Variants in MPHOSPH9 observed in about 807,000 individuals in gnomAD.
MPHOSPH9 encodes the protein M-phase phosphoprotein 9.
MPHOSPH9 carries 88 observed loss-of-function variants against 145.5 expected under a neutral mutation model. The ratio of observed to expected loss-of-function variants is 0.60; its 90% CI spans 0.51 to 0.72. The LOEUF is 0.72. Ranked by LOEUF, MPHOSPH9 falls within the 30% of genes least tolerant of loss-of-function variation. The pLI is 0.00. For missense variants in MPHOSPH9, 1,238 were observed against 1,386.6 expected (o/e 0.89, Z 1.70); for synonymous variants, 435 against 486.2 (o/e 0.89, Z 1.39).
intron 13 of MPHOSPH9, among the ~76,000 whole-genome samples, chr12:123,189,532 A>G (rs1168686535): frequency 6.6e-6 from 1 of 152,196 alleles, no homozygotes; most frequent in Non-Finnish European, 1.5e-5. Flanking sequence ...TATACTATGG[A>G]AGAGCCACAT....
intron 9 of MPHOSPH9, 21 bp from the exon 10 acceptor site, chr12:123,203,105 A>T: frequency 1.9e-6 from 3 of 1,604,102 alleles, no homozygotes; most frequent in Non-Finnish European, 2.6e-6. Context: ...GACAACAACG[A>T]AGTCTTACCC....
chr12:123,171,543 G>C (rs2044581547), intron 16 of MPHOSPH9, among the ~76,000 whole-genome samples: 1 of 152,104 alleles, frequency 6.6e-6, no homozygotes, highest in East Asian at 1.9e-4. Context: ...GAGGTCAGGA[G>C]TTTGAGACCA....
At chr12:123,225,368 C>A (rs1372953169) in intron 3 of MPHOSPH9, among the ~76,000 whole-genome samples, 2 of 147,224 alleles carry the variant, frequency 1.4e-5, no homozygotes, top group Non-Finnish European at 3.0e-5. Flanking sequence ...GGCTTGAGCC[C>A]AAGAGGTTGA....
intron 16 of MPHOSPH9, among the ~76,000 whole-genome samples, chr12:123,174,458 C>T (rs1017612558): frequency 6.6e-6 from 1 of 151,336 alleles, no homozygotes; most frequent in Non-Finnish European, 1.5e-5. Context: ...CTGCAAGCTC[C>T]GCCTCCCGGG....
rs142397346 is a variant in MPHOSPH9 at position 123,232,678 on chromosome 12, T to A, written c.-159+397A>T. Among the ~76,000 whole-genome samples, 920 of 151,426 alleles carry A rather than the reference T, an allele frequency of 6.1e-3. 33 individuals are homozygous for A. The highest frequency in any genetic ancestry group is 0.053 in the Admixed American group (812 of 15,236). ...GTCAAAGTGGGAAGGAGAGGGAGAA[T>A]CTATGCAGTCGCCTAAGCTACGGAA... On this transcript the variant is annotated intron_variant, in intron 1 of 23. Coordinates refer to ENST00000606320, the MANE Select transcript of MPHOSPH9 (RefSeq NM_022782.4).
chr12:123,160,273 C>A (rs1352548787), intron 23 of MPHOSPH9: 1 of 152,986 alleles, frequency 6.5e-6, no homozygotes, highest in African/African-American at 2.4e-5. Flanking sequence ...TCAGGTGATA[C>A]ACCAGCCTCA....
intron 7 of MPHOSPH9, among the ~76,000 whole-genome samples, chr12:123,211,098 C>A (rs534293376): frequency 5.3e-5 from 8 of 151,248 alleles, no homozygotes; most frequent in African/African-American, 1.9e-4. Context: ...GATTCTCCTG[C>A]CTCAGCCTCC....
At chr12:123,241,148 T>TGG (rs575565493) in intron 1 of MPHOSPH9, among the ~76,000 whole-genome samples, 2 of 43,276 alleles carry the variant, frequency 4.6e-5, no homozygotes, top group Admixed American at 3.4e-4. Context: ...GTTGTTTTTT[T>TGG]TTTGTTTTTG....
Position 123,221,436 on chromosome 12 carries a change from CA to C in MPHOSPH9, c.807del (p.Glu270AsnfsTer25). The C allele has an allele frequency of 3.1e-6, 5 of 1,612,144 alleles. No individual in the cohort carries two copies. The highest frequency in any genetic ancestry group is 4.2e-6 in the Non-Finnish European group (5 of 1,179,358). ...TCACCAAGAAAATTATGTTCAAATT[CA>C]CCAGGAGAAATGGATACATCTTCCT... ...SLKEDVSISP[G>X]EFEHNFLGEN... On this transcript the variant is annotated frameshift_variant, in exon 5 of 24. Transcript: ENST00000606320. LOFTEE classifies it high-confidence loss of function.
At chr12:123,207,146 TA>T (rs35392378) in intron 8 of MPHOSPH9, among the ~76,000 whole-genome samples, 4,871 of 114,544 alleles carry the variant, frequency 0.043, 259 homozygotes, top group African/African-American at 0.15. Context: ...CTAAAGTGGT[TA>T]AAAAAAAAAA....
intron 16 of MPHOSPH9, among the ~76,000 whole-genome samples, chr12:123,175,404 C>G (rs529669210): frequency 1.3e-5 from 2 of 152,118 alleles, no homozygotes; most frequent in Non-Finnish European, 2.9e-5. Flanking sequence ...CCGCCCGCCT[C>G]GGCCTCCCAA....
intron 16 of MPHOSPH9, among the ~76,000 whole-genome samples, chr12:123,175,970 C>T (rs1448424083): frequency 1.3e-5 from 2 of 152,034 alleles, no homozygotes; most frequent in Non-Finnish European, 2.9e-5. Context: ...TGGACTCTAG[C>T]GATCCTCCCA....
chr12:123,223,299 G>A (rs996698190), intron 3 of MPHOSPH9, among the ~76,000 whole-genome samples, 172 bp from the exon 4 acceptor site: 2 of 151,954 alleles, frequency 1.3e-5, no homozygotes, highest in Middle Eastern at 3.2e-3. Context: ...AAGAGAGCAG[G>A]GAGTTCTACA....
At chr12:123,190,418 G>T (rs547973039) in intron 13 of MPHOSPH9, among the ~76,000 whole-genome samples, 1 of 152,078 alleles carries the variant, frequency 6.6e-6, no homozygotes, top group Non-Finnish European at 1.5e-5. Flanking sequence ...CCAAAGTACT[G>T]GGATTACAGG....
At position 123,227,947 on chromosome 12, in the gene MPHOSPH9, AT is replaced by A. The variant is rs558415559; in HGVS notation, c.105-332del. Among the ~76,000 whole-genome samples, 4 of 152,302 alleles carry A rather than the reference AT, an allele frequency of 2.6e-5. No individual in the cohort carries two copies. The South Asian group carries it at 8.3e-4, about 32-fold the overall frequency. Reference sequence around the variant, plus strand: ...CTGATCTCAGCTATTCCAGAGGATTATTTCCCCCAACTTTCAGAACAGCCCT... The same window carrying A: ...CTGATCTCAGCTATTCCAGAGGATTATTCCCCCAACTTTCAGAACAGCCCT... On this transcript the variant is annotated intron_variant, in intron 2 of 23. Coordinates refer to ENST00000606320, the MANE Select transcript of MPHOSPH9 (RefSeq NM_022782.4).
chr12:123,204,941 A>G (rs2046363929), intron 8 of MPHOSPH9, among the ~76,000 whole-genome samples: 2 of 152,224 alleles, frequency 1.3e-5, no homozygotes, highest in Admixed American at 1.3e-4. Context: ...TCACTACACT[A>G]AAAATGTTGC....
At chr12:123,184,974 T>C (rs2138146504) in intron 13 of MPHOSPH9, among the ~76,000 whole-genome samples, 1 of 152,222 alleles carries the variant, frequency 6.6e-6, no homozygotes, top group Admixed American at 6.6e-5. Flanking sequence ...CAGCTAATTT[T>C]TGTAGTTTTA....
rs2043998649 is a variant in MPHOSPH9, at chr12:123,159,213, G to A, written c.3450+1568C>T. Among the ~76,000 whole-genome samples the A allele has an allele frequency of 2.0e-5, 3 of 151,986 alleles. No individual in the cohort carries two copies. Among genetic ancestry groups the A allele is most frequent in the Admixed American group, 6.5e-5 (1 of 15,286 alleles). On this transcript the variant is annotated intron_variant, in intron 23 of 23. Transcript: ENST00000606320. This position sits in a 1 kb window ranked among gnomAD's most constrained non-coding sequence, Gnocchi z 4.3. ...GGAGTCTTGCTCTGTCACCCAGGCC[G>A]AGTGCAGTGGCACGATCTCAGCTCA...
Position 123,194,602 on chromosome 12 carries a change from C to T in MPHOSPH9, c.2026-1G>A. The T allele has an allele frequency of 6.4e-7, 1 of 1,555,170 alleles. No homozygotes were observed. Among genetic ancestry groups the T allele is most frequent in the Non-Finnish European group, 8.6e-7 (1 of 1,156,160 alleles). The stretch of plus-strand genomic sequence containing the variant: ...CACTGAAGCGTTCTCTCAAATCATT[C>T]TATAAAACAAAGACAAACATAATTT... On this transcript the variant is annotated splice_acceptor_variant, in intron 12 of 23. Transcript: ENST00000606320. LOFTEE classifies it high-confidence loss of function.
Sources: gnomAD v4.1 joint callset for allele counts (sites outside exome capture counted in the v4.1 genomes callset) on GRCh38, gnomAD v4.1.1 for gene constraint, Gnocchi (gnomAD v3.1) non-coding constraint, MANE v1.5 for transcripts, NCBI Gene and HGNC (gene_info 2026-07-23, HGNC 2026-07-21) for gene names.